Variants in ADAMTS19 observed in about 807,000 individuals in gnomAD.
The protein encoded by ADAMTS19 is A disintegrin and metalloproteinase with thrombospondin motifs 19.
Under a neutral mutation model 153.3 loss-of-function variants are expected in ADAMTS19, and 93 were observed. The ratio of observed to expected loss-of-function variants is 0.61; its 90% CI spans 0.51 to 0.72. ADAMTS19 has a LOEUF of 0.72. Among genes scored for constraint, ADAMTS19 ranks in the 30% least tolerant of loss-of-function variants. The pLI is 0.00. For missense variants in ADAMTS19, 1,482 were observed against 1,552.1 expected (o/e 0.95, Z 0.76); for synonymous variants, 600 against 556.6 (o/e 1.08, Z -1.10).
intron 6 of ADAMTS19, among the ~76,000 whole-genome samples, chr5:129,536,451 T>C (rs1169534054): frequency 6.6e-6 from 1 of 152,156 alleles, no homozygotes; most frequent in African/African-American, 2.4e-5. Context: ...GGAACACTTT[T>C]ACACTGTTGG....
chr5:129,671,171 G>A (rs1287373343), intron 16 of ADAMTS19, among the ~76,000 whole-genome samples: 2 of 152,194 alleles, frequency 1.3e-5, no homozygotes, highest in Admixed American at 6.5e-5. Context: ...ACACATTCTT[G>A]GAGGGAAAGA....
At chr5:129,736,029 G>A (rs907867308) in intron 22 of ADAMTS19, among the ~76,000 whole-genome samples, 8 of 152,016 alleles carry the variant, frequency 5.3e-5, no homozygotes, top group African/African-American at 9.6e-5. Context: ...TGGTTTCTTC[G>A]AAATACAAAA....
intron 18 of ADAMTS19, among the ~76,000 whole-genome samples, chr5:129,693,369 C>T (rs1755419290): frequency 6.6e-6 from 1 of 152,132 alleles, no homozygotes; most frequent in Non-Finnish European, 1.5e-5. Flanking sequence ...GCCACCAGCC[C>T]AGCTTTTCTT....
chr5:129,540,913 C>A (rs1313450503), intron 6 of ADAMTS19, among the ~76,000 whole-genome samples: 1 of 152,020 alleles, frequency 6.6e-6, no homozygotes, highest in African/African-American at 2.4e-5. Flanking sequence ...GCACAGTCTA[C>A]ATGAGCCAAA....
intron 3 of ADAMTS19, among the ~76,000 whole-genome samples, chr5:129,525,188 G>A (rs1296532636): frequency 5.3e-5 from 8 of 151,974 alleles, no homozygotes; most frequent in Non-Finnish European, 1.2e-4. Flanking sequence ...TGATTAATAG[G>A]TATGCAAATA....
intron 12 of ADAMTS19, 114 bp from the exon 13 acceptor site, chr5:129,648,684 A>G (rs1753176957): frequency 1.3e-6 from 1 of 765,290 alleles, no homozygotes; most frequent in Non-Finnish European, 2.0e-6. Context: ...CCAAGTTTTC[A>G]AAAGTAAATA....
chr5:129,515,228 C>A (rs191073343), intron 3 of ADAMTS19, among the ~76,000 whole-genome samples: 99 of 151,956 alleles, frequency 6.5e-4, no homozygotes, highest in Non-Finnish European at 1.0e-4. Context: ...AATTTGATTC[C>A]CCCAGTTTTG....
In ADAMTS19 at chr5:129,460,614, T is replaced by G. The variant is rs1172450758; in HGVS notation, c.91+132T>G. 4 of 979,406 alleles carry G rather than the reference T, an allele frequency of 4.1e-6. No homozygotes were observed. In the African/African-American group the frequency reaches 6.4e-5, roughly 16 times the overall value. The allele number at this position is 979,406 out of a possible 1,614,324, so 60.7% of individuals were successfully genotyped here. On this transcript the variant is annotated intron_variant, in intron 1 of 22. Transcript: ENST00000274487. The stretch of plus-strand genomic sequence containing the variant: ...CAGTGGGTAGCAATAAAAATGAGCT[T>G]GAGGTGCAGGTTAAGGGGTCAAGTT...
chr5:129,688,561 T>C (rs923761524), intron 18 of ADAMTS19, among the ~76,000 whole-genome samples: 1 of 152,142 alleles, frequency 6.6e-6, no homozygotes, highest in Admixed American at 6.5e-5. Flanking sequence ...TGTCAGTTAT[T>C]ATAAGATATG....
At chr5:129,712,958 A>G (rs1383609459) in intron 21 of ADAMTS19, among the ~76,000 whole-genome samples, 1 of 152,214 alleles carries the variant, frequency 6.6e-6, no homozygotes, top group Admixed American at 6.5e-5. Flanking sequence ...AATAAAATCC[A>G]GAGGGTTTAA....
chr5:129,461,477 C>A lies in ADAMTS19; in HGVS notation c.467C>A (p.Pro156Gln), dbSNP rs1234664143. The A allele has an allele frequency of 1.4e-6, 2 of 1,476,052 alleles. No homozygotes were observed. The highest frequency in any genetic ancestry group is 2.4e-5 in the Admixed American group (1 of 41,418). 91.4% of individuals were successfully genotyped at this position (1,476,052 alleles called of 1,614,324 possible). A position where few individuals can be genotyped will look rare whatever the true frequency, so the allele number is the denominator to read the frequency against. ...CCGCCGCCTCCCCCGCAGCCGCCCC[C>A]GTCCCCGCCCCCGGCCCAGCATGCC... ...WQPPPPPQPP[P>Q]SPPPAQHAEP... Residue 156 changes from proline (P) to glutamine (Q), a missense_variant, in exon 2 of 23, where the codon CCG (proline) becomes CAG (glutamine). Physicochemically the swap from Pro to Gln is moderately conservative, Grantham distance 76. Transcript: ENST00000274487. This position sits in a 1 kb window ranked among gnomAD's most constrained non-coding sequence, Gnocchi z 4.6.
intron 21 of ADAMTS19, among the ~76,000 whole-genome samples, chr5:129,714,146 G>A (rs1172854530): frequency 1.3e-5 from 2 of 152,140 alleles, no homozygotes; most frequent in African/African-American, 2.4e-5. Context: ...CTGGCCGGGC[G>A]CGGTGGCTCA....
chr5:129,543,234 A>C (rs1056939711), intron 6 of ADAMTS19, among the ~76,000 whole-genome samples: 1 of 151,504 alleles, frequency 6.6e-6, no homozygotes, highest in Admixed American at 6.6e-5. Flanking sequence ...TATTTTTTTT[A>C]GTAGAGACGG....
chr5:129,714,717 G>A (rs914443952), intron 21 of ADAMTS19, among the ~76,000 whole-genome samples: 2 of 152,092 alleles, frequency 1.3e-5, no homozygotes, highest in African/African-American at 2.4e-5. Flanking sequence ...AACTTGATAG[G>A]TGGAAAAAAA....
intron 15 of ADAMTS19, among the ~76,000 whole-genome samples, chr5:129,659,510 G>A (rs1040770502): frequency 6.6e-6 from 1 of 152,166 alleles, no homozygotes; most frequent in Non-Finnish European, 1.5e-5. Flanking sequence ...ACCTGGGCAT[G>A]TGTCTTGCAC....
intron 19 of ADAMTS19, among the ~76,000 whole-genome samples, chr5:129,699,108 G>A (rs1380773548): frequency 2.0e-5 from 3 of 152,128 alleles, no homozygotes; most frequent in Non-Finnish European, 2.9e-5. Flanking sequence ...AAAACAGAGA[G>A]AAACATAAAT....
At chr5:129,622,093 A>C in intron 9 of ADAMTS19, 105 bp from the exon 10 acceptor site, 1 of 1,079,516 alleles carries the variant, frequency 9.3e-7, no homozygotes, top group Non-Finnish European at 1.4e-6. Flanking sequence ...AAGAGCTTAG[A>C]GATATATTTT....
At chr5:129,544,559 A>T (rs1752785505) in intron 6 of ADAMTS19, among the ~76,000 whole-genome samples, 1 of 152,196 alleles carries the variant, frequency 6.6e-6, no homozygotes, top group Admixed American at 6.6e-5. Context: ...ACATCTATAA[A>T]CCATAGCAAA....
intron 19 of ADAMTS19, among the ~76,000 whole-genome samples, chr5:129,696,912 A>G (rs1287128404): frequency 6.6e-6 from 1 of 152,110 alleles, no homozygotes; most frequent in East Asian, 1.9e-4. Context: ...AACAGATGGC[A>G]GTGTTTCCTC....
Sources: gnomAD v4.1 joint callset for allele counts (sites outside exome capture counted in the v4.1 genomes callset) on GRCh38, gnomAD v4.1.1 for gene constraint, Gnocchi (gnomAD v3.1) non-coding constraint, MANE v1.5 for transcripts, NCBI Gene and HGNC (gene_info 2026-07-23, HGNC 2026-07-21) for gene names.